The following CHL1 variants were observed in gnomAD, a reference collection of about 807,000 sequenced individuals.
CHL1 encodes the protein cell adhesion molecule L1 like, also known as neural cell adhesion molecule L1-like protein.
CHL1 carries 96 observed loss-of-function variants against 141.9 expected under a neutral mutation model. That is an observed-to-expected ratio of 0.68 (90% CI 0.57 to 0.80). CHL1 has a LOEUF of 0.80. Among genes scored for constraint, CHL1 ranks in the 30% least tolerant of loss-of-function variants. The pLI, the probability that CHL1 is intolerant of heterozygous loss-of-function variation, is 0.00. For synonymous variants in CHL1, 613 were observed against 502.2 expected (o/e 1.22, Z -2.95); for missense variants, 1,820 against 1,457.2 (o/e 1.25, Z -4.05).
At chr3:227,276 C>G (rs541693874) in intron 1 of CHL1, among the ~76,000 whole-genome samples, 2 of 152,170 alleles carry the variant, frequency 1.3e-5, no homozygotes, top group Admixed American at 1.3e-4. Context: ...ACACAAGGAA[C>G]AAAAAATGAT....
intron 16 of CHL1, among the ~76,000 whole-genome samples, chr3:380,288 A>T (rs1251874674): frequency 6.6e-6 from 1 of 152,200 alleles, no homozygotes; most frequent in African/African-American, 2.4e-5. Flanking sequence ...TGAATTGGAA[A>T]CGATGCTTTT....
intron 1 of CHL1, among the ~76,000 whole-genome samples, chr3:210,058 A>G (rs984456768): frequency 1.3e-5 from 2 of 152,184 alleles, no homozygotes; most frequent in Admixed American, 1.3e-4. Flanking sequence ...ACCTCAATAG[A>G]TATGTGTTTT....
intron 2 of CHL1, among the ~76,000 whole-genome samples, chr3:271,360 G>A (rs1259435241): frequency 6.6e-6 from 1 of 152,188 alleles, no homozygotes; most frequent in Non-Finnish European, 1.5e-5. Context: ...GACTGCTTGA[G>A]CCCAGCAGTT....
At chr3:198,517 A>T (rs546764278) in intron 1 of CHL1, among the ~76,000 whole-genome samples, 1 of 152,190 alleles carries the variant, frequency 6.6e-6, no homozygotes, top group Admixed American at 6.5e-5. Context: ...TGGACTAGGC[A>T]TTTAACTACG....
intron 1 of CHL1, among the ~76,000 whole-genome samples, chr3:208,878 G>T (rs1032276251): frequency 6.6e-6 from 1 of 152,160 alleles, no homozygotes; most frequent in Non-Finnish European, 1.5e-5. Context: ...CTTTCAATCT[G>T]ATTTATTTTG....
intron 2 of CHL1, among the ~76,000 whole-genome samples, chr3:288,080 C>T (rs1697334548): frequency 6.6e-6 from 1 of 152,044 alleles, no homozygotes; most frequent in Non-Finnish European, 1.5e-5. Flanking sequence ...CACTGGAATT[C>T]TTTAGCTAGC....
At chr3:260,931 T>C (rs1183867184) in intron 2 of CHL1, among the ~76,000 whole-genome samples, 1 of 152,224 alleles carries the variant, frequency 6.6e-6, no homozygotes, top group Non-Finnish European at 1.5e-5. Flanking sequence ...TTAGCCTGGT[T>C]TTTTTTGGAC....
intron 1 of CHL1, among the ~76,000 whole-genome samples, chr3:220,440 G>A (rs141408084): frequency 1.6e-3 from 245 of 152,170 alleles, no homozygotes; most frequent in African/African-American, 5.7e-3. Context: ...TGACTACCCT[G>A]GGCCACATTG....
chr3:401,027 G>C lies in CHL1; in HGVS notation c.3386-599G>C, dbSNP rs558904482. Among the ~76,000 whole-genome samples the C allele has an allele frequency of 1.8e-4, 27 of 149,266 alleles. No individual in the cohort carries two copies. In the East Asian group the frequency reaches 4.7e-3, roughly 26 times the overall value. ...GGTGATCCTCCAACCTCAGCTCCTC[G>C]TGTAGCTGGGACTACAGGTGTATGC... is the stretch of plus-strand genomic sequence containing the variant. On this transcript the variant is annotated intron_variant, in intron 26 of 27. Coordinates refer to ENST00000256509, the MANE Select transcript of CHL1 (RefSeq NM_006614.4).
At chr3:201,912 G>C (rs1698982357) in intron 1 of CHL1, among the ~76,000 whole-genome samples, 1 of 152,112 alleles carries the variant, frequency 6.6e-6, no homozygotes, top group Non-Finnish European at 1.5e-5. Context: ...ATGAATTTTA[G>C]TGTGCATCAC....
At chr3:389,189 C>A in intron 19 of CHL1, 63 bp from the exon 20 acceptor site, 1 of 1,323,972 alleles carries the variant, frequency 7.6e-7, no homozygotes, top group South Asian at 1.3e-5. Context: ...TAGGGTGGTT[C>A]ACCATCATCT....
chr3:366,470 C>CAA (rs5845967), intron 15 of CHL1, among the ~76,000 whole-genome samples: 42 of 134,724 alleles, frequency 3.1e-4, no homozygotes, highest in African/African-American at 1.0e-3. Context: ...GACTCTGTCT[C>CAA]AAAAAAAAAA....
chr3:245,319 G>A (rs1693060207), intron 2 of CHL1, among the ~76,000 whole-genome samples: 1 of 152,174 alleles, frequency 6.6e-6, no homozygotes, highest in African/African-American at 2.4e-5. Flanking sequence ...GTAGTTCTAG[G>A]TAAGCTGTTT....
chr3:358,650 G>A (rs1370018674), intron 11 of CHL1, among the ~76,000 whole-genome samples: 2 of 151,904 alleles, frequency 1.3e-5, no homozygotes, highest in African/African-American at 2.4e-5. Context: ...TGGGCAGTGG[G>A]GACACACTGC....
intron 2 of CHL1, among the ~76,000 whole-genome samples, chr3:307,730 C>T (rs1272342543): frequency 6.6e-6 from 1 of 152,102 alleles, no homozygotes; most frequent in Non-Finnish European, 1.5e-5. Context: ...ACACACTTAA[C>T]ATACTTTACG....
intron 26 of CHL1, among the ~76,000 whole-genome samples, chr3:399,369 C>T (rs1374713069): frequency 2.6e-5 from 4 of 152,168 alleles, no homozygotes; most frequent in Admixed American, 1.3e-4. Context: ...CTGCCGGGCG[C>T]AGTGGCTCAC....
At chr3:258,506 T>C (rs1296572098) in intron 2 of CHL1, among the ~76,000 whole-genome samples, 1 of 152,214 alleles carries the variant, frequency 6.6e-6, no homozygotes, top group East Asian at 1.9e-4. Context: ...TGTGGAACCA[T>C]GGAAATTAAA....
At chr3:304,278 C>A (rs4685557) in intron 2 of CHL1, among the ~76,000 whole-genome samples, 1 of 152,010 alleles carries the variant, frequency 6.6e-6, no homozygotes, top group Non-Finnish European at 1.5e-5. Context: ...GGAGGATTCC[C>A]TCTTTTCCTG....
intron 27 of CHL1, among the ~76,000 whole-genome samples, chr3:402,415 C>CA (rs1709217693): frequency 6.6e-6 from 1 of 152,168 alleles, no homozygotes; most frequent in Non-Finnish European, 1.5e-5. Flanking sequence ...TATCTTTCTC[C>CA]ACCTTCCCCT....
Sources: gnomAD v4.1 joint callset for allele counts (sites outside exome capture counted in the v4.1 genomes callset) on GRCh38, gnomAD v4.1.1 for gene constraint, MANE v1.5 for transcripts, NCBI Gene and HGNC (gene_info 2026-07-23, HGNC 2026-07-21) for gene names.